The following KIAA0319L variants were observed in gnomAD, a reference collection of about 807,000 sequenced individuals.
The protein encoded by KIAA0319L is dyslexia-associated protein KIAA0319-like protein.
In KIAA0319L, 55 loss-of-function variants were observed where a neutral mutation model predicts 120.1. The ratio of observed to expected loss-of-function variants is 0.46; its 90% CI spans 0.37 to 0.57. KIAA0319L has a LOEUF of 0.57. KIAA0319L is among the 20% of genes least tolerant of loss of function. The pLI is 0.00. For missense variants in KIAA0319L, 1,049 were observed against 1,255.3 expected (o/e 0.84, Z 2.48); for synonymous variants, 398 against 471.9 (o/e 0.84, Z 2.03).
chr1:35,447,078 T>G (rs1482811361), intron 16 of KIAA0319L, among the ~76,000 whole-genome samples: 1 of 152,142 alleles, frequency 6.6e-6, no homozygotes, highest in Non-Finnish European at 1.5e-5. Context: ...ACTACTGAAT[T>G]ACCACTGAAT....
intron 2 of KIAA0319L, among the ~76,000 whole-genome samples, chr1:35,518,742 G>A (rs951027894): frequency 9.2e-5 from 14 of 152,222 alleles, no homozygotes; most frequent in East Asian, 5.8e-4. Flanking sequence ...AGTGGCTCAC[G>A]CCTGTAATCC....
intron 8 of KIAA0319L, 34 bp from the exon 9 acceptor site, chr1:35,460,471 G>A: frequency 6.2e-7 from 1 of 1,606,880 alleles, no homozygotes; most frequent in Non-Finnish European, 8.5e-7. Context: ...TACAACATGA[G>A]AACGCTTGGT....
intron 2 of KIAA0319L, among the ~76,000 whole-genome samples, chr1:35,533,955 T>C (rs969803368): frequency 2.6e-5 from 4 of 152,210 alleles, no homozygotes; most frequent in African/African-American, 9.6e-5. Flanking sequence ...GGTTAGCACA[T>C]TCAGAAACAA....
At chr1:35,544,914 T>G (rs1003047167) in intron 2 of KIAA0319L, among the ~76,000 whole-genome samples, 8 of 152,262 alleles carry the variant, frequency 5.3e-5, no homozygotes, top group African/African-American at 1.9e-4. Flanking sequence ...GCCCCATAAC[T>G]GCCCAGCTGT....
intron 9 of KIAA0319L, among the ~76,000 whole-genome samples, chr1:35,456,915 T>TGAAGGAAGGAAGGAAGGAAG (rs71062877): frequency 3.0e-4 from 33 of 110,072 alleles, no homozygotes; most frequent in African/African-American, 8.1e-4. Flanking sequence ...AAGGAAGGAA[T>TGAAGGAAGGAAGGAAGGAAG]GAAGGAAGGA....
At chr1:35,484,796 ATATATATATATTTT>A (rs1165380139) in intron 3 of KIAA0319L, among the ~76,000 whole-genome samples, 4 of 46,830 alleles carry the variant, frequency 8.5e-5, no homozygotes, top group African/African-American at 3.1e-4. Flanking sequence ...ATATATATAT[ATATATATATATTTT>A]TTTTTTTATT....
At chr1:35,538,434 T>C (rs1646665575) in intron 2 of KIAA0319L, among the ~76,000 whole-genome samples, 1 of 151,254 alleles carries the variant, frequency 6.6e-6, no homozygotes, top group South Asian at 2.1e-4. Flanking sequence ...CTACTATAAA[T>C]ACAAAAATCA....
intron 3 of KIAA0319L, among the ~76,000 whole-genome samples, chr1:35,501,443 G>T (rs1570848634): frequency 6.6e-6 from 1 of 152,068 alleles, no homozygotes. Context: ...TTGCCATCTT[G>T]CTGCCACTTC....
intron 6 of KIAA0319L, among the ~76,000 whole-genome samples, chr1:35,468,767 C>A (rs150054404): frequency 6.6e-6 from 1 of 152,226 alleles, no homozygotes; most frequent in African/African-American, 2.4e-5. Context: ...ATCCACACTG[C>A]CATCACCTTA....
In KIAA0319L at chr1:35,462,687, C is replaced by T; in HGVS notation, c.1228G>A (p.Ala410Thr). The T allele has an allele frequency of 6.2e-7, 1 of 1,614,076 alleles. No homozygotes were observed. The part of the protein sequence containing the change: ...PEPRKNRPPI[A>T]IVSPQFQEIS... ...TCCTGGAACTGAGGTGACACAATAG[C>T]AATGGGGGGCCGATTCTTACGGGGC... The change falls in exon 8 of 21, where the codon GCT becomes ACT. Residue 410 changes from alanine to threonine, a missense_variant. Coordinates refer to ENST00000325722, the MANE Select transcript of KIAA0319L (RefSeq NM_024874.5).
intron 3 of KIAA0319L, among the ~76,000 whole-genome samples, chr1:35,493,594 C>T (rs531509846): frequency 5.3e-5 from 8 of 152,014 alleles, no homozygotes; most frequent in South Asian, 2.1e-4. Flanking sequence ...CAGATTTAGC[C>T]GTAATCCTAG....
intron 3 of KIAA0319L, among the ~76,000 whole-genome samples, chr1:35,502,477 A>C (rs1275986425): frequency 6.6e-6 from 1 of 150,736 alleles, no homozygotes; most frequent in Non-Finnish European, 1.5e-5. Context: ...CCATCATTAA[A>C]GACTACCTCA....
chr1:35,448,387 C>T (rs1641800430), intron 15 of KIAA0319L, 55 bp from the exon 16 acceptor site: 21 of 1,519,478 alleles, frequency 1.4e-5, no homozygotes, highest in Middle Eastern at 1.7e-4. Context: ...AAACACAGAC[C>T]TGCCACTGTG....
At chr1:35,449,739 T>G in intron 15 of KIAA0319L, 128 bp downstream of exon 15, 1 of 991,002 alleles carries the variant, frequency 1.0e-6, no homozygotes, top group African/African-American at 1.6e-5. Flanking sequence ...GCTTGGGGTT[T>G]CTCGATTATT....
At chr1:35,441,295 T>A (rs970122442) in intron 19 of KIAA0319L, among the ~76,000 whole-genome samples, 157 bp from the exon 20 acceptor site, 4 of 152,132 alleles carry the variant, frequency 2.6e-5, no homozygotes, top group Non-Finnish European at 5.9e-5. Flanking sequence ...GCAACTGTGA[T>A]TTGTTCCTCA....
chr1:35,503,701 T>TA (rs1645093397), intron 3 of KIAA0319L, among the ~76,000 whole-genome samples: 1 of 152,136 alleles, frequency 6.6e-6, no homozygotes, highest in Non-Finnish European at 1.5e-5. Context: ...AGTTGGCCCT[T>TA]AAACAACACA....
chr1:35,447,271 T>C (rs1362404324), intron 16 of KIAA0319L, among the ~76,000 whole-genome samples: 1 of 149,852 alleles, frequency 6.7e-6, no homozygotes, highest in East Asian at 2.0e-4. Context: ...ATTATGGAAA[T>C]TCCTTGCTTT....
At chr1:35,491,629 A>T (rs1030601349) in intron 3 of KIAA0319L, among the ~76,000 whole-genome samples, 4 of 152,132 alleles carry the variant, frequency 2.6e-5, no homozygotes, top group Non-Finnish European at 4.4e-5. Context: ...GTAATATTTT[A>T]AAAAAAGGAT....
chr1:35,550,228 G>A (rs941327784), intron 2 of KIAA0319L, among the ~76,000 whole-genome samples: 6 of 152,224 alleles, frequency 3.9e-5, no homozygotes, highest in Admixed American at 3.3e-4. Context: ...TACCAAAGAT[G>A]GAGCAAACTC....
Sources: allele counts gnomAD v4.1 joint callset (sites outside exome capture counted in the v4.1 genomes callset), GRCh38; gene constraint gnomAD v4.1.1; transcripts MANE v1.5; gene names NCBI Gene and HGNC (gene_info 2026-07-23, HGNC 2026-07-21).